Variants in ALMS1 observed in about 807,000 individuals in gnomAD.
The protein encoded by ALMS1 is ALMS1 centrosome and basal body associated protein, also known as centrosome-associated protein ALMS1.
ALMS1 carries 271 observed loss-of-function variants against 352.2 expected under a neutral mutation model. The ratio of observed to expected loss-of-function variants is 0.77; its 90% CI spans 0.70 to 0.85. ALMS1 has a LOEUF of 0.85. ALMS1 is among the 40% of genes least tolerant of loss of function. ALMS1 has a pLI of 0.00. For missense variants in ALMS1, 5,445 were observed against 4,870.7 expected (o/e 1.12, Z -3.51); for synonymous variants, 1,865 against 1,761.2 (o/e 1.06, Z -1.48).
intron 7 of ALMS1, among the ~76,000 whole-genome samples, chr2:73,442,659 G>A (rs2103759653): frequency 6.6e-6 from 1 of 152,244 alleles, no homozygotes; most frequent in Non-Finnish European, 1.5e-5. Context: ...TACAGTACTG[G>A]CTGCCTCAGC....
chr2:73,411,321 C>T (rs1671071449), intron 2 of ALMS1, among the ~76,000 whole-genome samples: 1 of 152,054 alleles, frequency 6.6e-6, no homozygotes, highest in Non-Finnish European at 1.5e-5. Flanking sequence ...GGACCCTCCC[C>T]TAGGGGCTTC....
At chr2:73,447,689 T>C (rs1203782220) in intron 7 of ALMS1, among the ~76,000 whole-genome samples, 1 of 152,200 alleles carries the variant, frequency 6.6e-6, no homozygotes, top group Non-Finnish European at 1.5e-5. Flanking sequence ...GAAAATTCTC[T>C]TAAAAATCCA....
chr2:73,486,613 G>A (rs926493658), intron 9 of ALMS1, among the ~76,000 whole-genome samples: 7 of 152,212 alleles, frequency 4.6e-5, no homozygotes, highest in Admixed American at 4.6e-4. Context: ...AGAAAACCCA[G>A]TGATTGCACC....
chr2:73,600,583 T>G (rs1675655790), intron 17 of ALMS1, 95 bp from the exon 18 acceptor site: 2 of 1,173,434 alleles, frequency 1.7e-6, no homozygotes, highest in Non-Finnish European at 2.4e-6. Context: ...ATTGTATTTT[T>G]GAAACATTAA....
chr2:73,447,427 T>G (rs1443633312), intron 7 of ALMS1, among the ~76,000 whole-genome samples: 1 of 152,088 alleles, frequency 6.6e-6, no homozygotes, highest in African/African-American at 2.4e-5. Context: ...CAGGGTGCAT[T>G]TGTTGGGAGA....
At position 73,600,934 on chromosome 2, in the gene ALMS1, C is replaced by A. The variant is rs542183683; in HGVS notation, c.11872+53C>A. 2.7e-4 allele frequency: 418 copies of A among 1,561,458 alleles called. 1 individual carries two copies. The African/African-American group carries it at 5.3e-3, about 20-fold the overall frequency. On this transcript the variant is annotated intron_variant, in intron 18 of 22. Transcript: ENST00000613296. ...TAGAGAAACTAGTGAATTTCAAGTC[C>A]CCTGCGATGCTGACTCTGTGTTTCC... is the stretch of plus-strand genomic sequence containing the variant.
chr2:73,395,535 C>G (rs56672945), intron 1 of ALMS1, among the ~76,000 whole-genome samples: 1 of 151,818 alleles, frequency 6.6e-6, no homozygotes, highest in East Asian at 1.9e-4. Flanking sequence ...CTTCAAAATA[C>G]TGTTTTTAAT....
chr2:73,556,150 G>C (rs552544049), intron 13 of ALMS1, among the ~76,000 whole-genome samples: 1 of 152,132 alleles, frequency 6.6e-6, no homozygotes, highest in East Asian at 1.9e-4. Context: ...TCATTTTGTT[G>C]CCTATATTTT....
intron 15 of ALMS1, among the ~76,000 whole-genome samples, chr2:73,566,552 T>C (rs1191943685): frequency 6.6e-6 from 1 of 152,240 alleles, no homozygotes; most frequent in African/African-American, 2.4e-5. Context: ...TTCCATTAAA[T>C]ATTTTTGGAC....
rs190555018 is a variant in ALMS1, at chr2:73,464,916, C to G, written c.7674+9621C>G. Among the ~76,000 whole-genome samples, 17 of 152,250 alleles carry G rather than the reference C, an allele frequency of 1.1e-4. No individual in the cohort carries two copies. In the East Asian group the frequency reaches 3.1e-3, roughly 28 times the overall value. On this transcript the variant is annotated intron_variant, in intron 9 of 22. Coordinates refer to ENST00000613296, the MANE Select transcript of ALMS1 (RefSeq NM_001378454.1). ...GATGGAAGGACTTCTTCAAGGAGAA[C>G]TACAAACCACTGCTCAATGAAATAA... is the stretch of plus-strand genomic sequence containing the variant.
chr2:73,517,438 C>T (rs1363870073), intron 10 of ALMS1, among the ~76,000 whole-genome samples: 1 of 150,558 alleles, frequency 6.6e-6, no homozygotes, highest in African/African-American at 2.4e-5. Flanking sequence ...TTTGTAGAGA[C>T]GATCTTGCTG....
chr2:73,440,858 G>A (rs531520780), intron 7 of ALMS1, among the ~76,000 whole-genome samples: 3 of 152,302 alleles, frequency 2.0e-5, no homozygotes, highest in Admixed American at 6.5e-5. Context: ...TTAGCAGGCA[G>A]TTGCTCTATT....
rs1671237785 is a variant in ALMS1 at position 73,419,164 on chromosome 2, T to C, written c.492T>C (p.Ser164=). 6.2e-7 allele frequency: 1 copy of C among 1,614,090 alleles called. No homozygotes were observed. The highest frequency in any genetic ancestry group is 8.5e-7 in the Non-Finnish European group (1 of 1,179,950). Residue 164 remains serine (S), a synonymous_variant, in exon 3 of 23, where the codon TCT becomes TCC. Transcript: ENST00000613296. ...ATTGTCTTCCTCAAGAAATGGACTCTTCCCAAACCTTGGATACATCCCAGA... is the reference window on the plus strand; with the variant it reads ...ATTGTCTTCCTCAAGAAATGGACTCCTCCCAAACCTTGGATACATCCCAGA... ...SWHCLPQEMD[S]SQTLDTSQTR... is the part of the protein sequence containing the mutation.
intron 9 of ALMS1, among the ~76,000 whole-genome samples, chr2:73,461,233 G>A (rs1051439944): frequency 6.6e-6 from 1 of 152,194 alleles, no homozygotes. Flanking sequence ...ACTCCTCTGA[G>A]ACAAAACTTC....
rs747436819 is a variant in ALMS1, at chr2:73,568,995, C to CTTTTT, written c.10385-3234_10385-3230dup. 3.8e-3 allele frequency among the ~76,000 whole-genome samples: 205 copies of CTTTTT among 53,556 alleles called. 72 individuals are homozygous for CTTTTT. Among genetic ancestry groups the CTTTTT allele is most frequent in the Non-Finnish European group, 5.3e-3 (158 of 29,534 alleles). 35.1% of individuals were successfully genotyped at this position (53,556 alleles called of 152,430 possible). ...AGCTTGCTTGCTGCTGCTTCTGCTT[C>CTTTTT]TTTTTTTTTTTTTTTTTTTTTTTTT... is the stretch of plus-strand genomic sequence containing the variant. On this transcript the variant is annotated intron_variant, in intron 15 of 22. Coordinates refer to ENST00000613296, the MANE Select transcript of ALMS1 (RefSeq NM_001378454.1).
chr2:73,465,855 A>G (rs202029172), intron 9 of ALMS1, among the ~76,000 whole-genome samples: 86 of 152,250 alleles, frequency 5.6e-4, no homozygotes, highest in Non-Finnish European at 8.2e-4. Context: ...AAAAGAAGAC[A>G]TTTATGCAGG....
At chr2:73,539,861 T>C (rs891781849) in intron 12 of ALMS1, among the ~76,000 whole-genome samples, 1 of 152,078 alleles carries the variant, frequency 6.6e-6, no homozygotes, top group Non-Finnish European at 1.5e-5. Context: ...CCAAGAAATA[T>C]GAGACTATAT....
intron 11 of ALMS1, among the ~76,000 whole-genome samples, chr2:73,524,889 C>T (rs1245819078): frequency 6.6e-6 from 1 of 152,228 alleles, no homozygotes; most frequent in African/African-American, 2.4e-5. Flanking sequence ...ACACTGCTCA[C>T]TACCCTTCCC....
rs78936458 is a variant in ALMS1 at position 73,565,107 on chromosome 2, A to C, written c.10384+5965A>C. On this transcript the variant is annotated intron_variant, in intron 15 of 22. Coordinates refer to ENST00000613296, the MANE Select transcript of ALMS1 (RefSeq NM_001378454.1). Reference sequence around the variant, plus strand: ...AATACCCTAAATTCCCTAAAATACCAAGCTCATAGTCAAGGCACTATTAGT... The same window carrying C: ...AATACCCTAAATTCCCTAAAATACCCAGCTCATAGTCAAGGCACTATTAGT... Among the ~76,000 whole-genome samples the C allele has an allele frequency of 9.8e-3, 1,497 of 152,312 alleles. 29 individuals are homozygous for C. The highest frequency in any genetic ancestry group is 0.034 in the African/African-American group (1,405 of 41,554).
Sources: allele counts gnomAD v4.1 joint callset (sites outside exome capture counted in the v4.1 genomes callset), GRCh38; gene constraint gnomAD v4.1.1; transcripts MANE v1.5; gene names NCBI Gene and HGNC (gene_info 2026-07-23, HGNC 2026-07-21).